Variants in CELF5 observed in about 807,000 individuals in gnomAD.
CELF5 encodes CUGBP Elav-like family member 5.
Under a neutral mutation model 54.9 loss-of-function variants are expected in CELF5, and 6 were observed. The ratio of observed to expected loss-of-function variants is 0.11; its 90% confidence interval spans 0.06 to 0.22. The LOEUF (loss-of-function observed/expected upper bound fraction) is 0.22, where lower values mean the gene tolerates loss of function less well. CELF5 is among the 10% of genes least tolerant of loss of function. CELF5 has a pLI of 1.00. For synonymous variants in CELF5, 271 were observed against 290.9 expected, an observed-to-expected ratio of 0.93 and a Z score of 0.70; for missense variants, 401 against 678.6, an observed-to-expected ratio of 0.59 and a Z score of 4.54.
At chr19:3,279,849 C>T (rs959222704) in intron 5 of CELF5, among the ~76,000 whole-genome samples, 8 of 152,140 alleles carry the variant, frequency 5.3e-5, no homozygotes, top group African/African-American at 7.2e-5. Flanking sequence ...ATTACAGGCA[C>T]GCGCCACCAC....
intron 1 of CELF5, among the ~76,000 whole-genome samples, chr19:3,233,147 C>T (rs1388547114): frequency 2.0e-5 from 3 of 151,116 alleles, no homozygotes; most frequent in Non-Finnish European, 2.9e-5. Context: ...AAAAGCTGCA[C>T]GTGGTGGCAT....
At chr19:3,296,073 C>T (rs2080437908) in intron 12 of CELF5, 2 of 147,960 alleles carry the variant, frequency 1.4e-5, no homozygotes, top group African/African-American at 5.0e-5. Context: ...TTTTTTTTTC[C>T]GGTCTTTCTG....
At chr19:3,273,956 G>A in intron 3 of CELF5, 33 bp downstream of exon 3, 6 of 1,602,676 alleles carry the variant, frequency 3.7e-6, no homozygotes, top group Non-Finnish European at 3.4e-6. Context: ...CAGGCTGGGG[G>A]TTGGCGGAGG....
Position 3,275,976 on chromosome 19 carries a change from G to A in CELF5, c.515G>A (p.Ser172Asn), listed in dbSNP as rs1231518240. The part of the protein sequence containing the change: ...ECTVLRGPDG[S>N]SKGCAFVKFS... ...ACCGTGCTCCGGGGGCCTGACGGCA[G>A]CAGCAAAGGTGACTGGCGGGGGCCG... is the stretch of plus-strand genomic sequence containing the variant. Residue 172 changes from serine (S) to asparagine (N), a missense_variant, in exon 4 of 13, where the codon AGC (serine) becomes AAC (asparagine). Physicochemically the swap from Ser to Asn is conservative, Grantham distance 46. Transcript: ENST00000292672. The surrounding 1 kb of genome is among the most constrained non-coding windows in gnomAD (Gnocchi z 6.7). The A allele has an allele frequency of 5.2e-6, 8 of 1,533,810 alleles. No individual in the cohort carries two copies. Among genetic ancestry groups the A allele is most frequent in the Middle Eastern group, 1.8e-4 (1 of 5,564 alleles).
At chr19:3,286,132 A>G (rs1478446287) in intron 10 of CELF5, 107 bp downstream of exon 10, 1 of 1,002,342 alleles carries the variant, frequency 1.0e-6, no homozygotes, top group Non-Finnish European at 1.4e-6. Flanking sequence ...CGGGGCTGAG[A>G]GTGCGGCCTG....
At chr19:3,225,124 G>A (rs1916816874) in intron 1 of CELF5, 126 bp downstream of exon 1, 1 of 617,204 alleles carries the variant, frequency 1.6e-6, no homozygotes. Context: ...CTCTGCCGGA[G>A]CATCGGTTCT....
chr19:3,271,459 G>T (rs927952934), intron 2 of CELF5, among the ~76,000 whole-genome samples: 5 of 152,158 alleles, frequency 3.3e-5, no homozygotes, highest in Non-Finnish European at 7.3e-5. Flanking sequence ...GGTGATCAGG[G>T]TCCCTCTGAG....
chr19:3,228,908 G>C lies in CELF5; in HGVS notation c.259+3910G>C, dbSNP rs1917107755. Among the ~76,000 whole-genome samples the C allele has an allele frequency of 6.6e-6, 1 of 151,064 alleles. No homozygotes were observed. The highest frequency in any genetic ancestry group is 1.5e-5 in the Non-Finnish European group (1 of 67,710). ...TGTGTGTGTGTGTGTGTGTGTGTGT[G>C]TGTGTGTACGCGGGCGCGCGCCTGG... On this transcript the variant is annotated intron_variant, in intron 1 of 12. Transcript: ENST00000292672. This position sits in a 1 kb window ranked among gnomAD's most constrained non-coding sequence, Gnocchi z 6.0.
At chr19:3,267,547 TG>T (rs1474532326) in intron 2 of CELF5, among the ~76,000 whole-genome samples, 2 of 152,106 alleles carry the variant, frequency 1.3e-5, no homozygotes, top group Non-Finnish European at 2.9e-5. Flanking sequence ...CCCCCAACAC[TG>T]GGACAGTGCG....
At chr19:3,285,401 C>G (rs7260467) in intron 9 of CELF5, among the ~76,000 whole-genome samples, 81,304 of 149,098 alleles carry the variant, frequency 0.55, 23,461 homozygotes, top group Middle Eastern at 0.69. Flanking sequence ...GCCCCTACCT[C>G]TGGCTCTACT....
At chr19:3,286,108 G>GCCTGC in intron 10 of CELF5, 83 bp downstream of exon 10, 1 of 1,246,992 alleles carries the variant, frequency 8.0e-7, no homozygotes, top group African/African-American at 1.6e-5. Flanking sequence ...TCTGGCCCGG[G>GCCTGC]CCTCTGGGAC....
rs2145263331 is a variant in CELF5, at chr19:3,281,291, C to A, written c.696C>A (p.Ile232=). The A allele has an allele frequency of 1.2e-6, 2 of 1,611,758 alleles. No individual in the cohort carries two copies. Among genetic ancestry groups the A allele is most frequent in the East Asian group, 2.2e-5 (1 of 44,872 alleles). Reference sequence around the variant, plus strand: ...AGCAGATGGTGGGCCAGCTGGGCATCCTGACGCCGTCCCTCACATTGCCCT... The same window carrying A: ...AGCAGATGGTGGGCCAGCTGGGCATACTGACGCCGTCCCTCACATTGCCCT... ...RMQQMVGQLG[I]LTPSLTLPFS... The change falls in exon 6 of 13, where the codon ATC becomes ATA. Residue 232 remains isoleucine, a synonymous_variant. Transcript: ENST00000292672. This position sits in a 1 kb window ranked among gnomAD's most constrained non-coding sequence, Gnocchi z 6.5.
chr19:3,241,973 C>T (rs1156843281), intron 1 of CELF5, among the ~76,000 whole-genome samples: 1 of 152,156 alleles, frequency 6.6e-6, no homozygotes, highest in Non-Finnish European at 1.5e-5. Flanking sequence ...TGGGGTTTCA[C>T]CGTGTTGGGC....
intron 2 of CELF5, among the ~76,000 whole-genome samples, chr19:3,257,011 G>A (rs1250248256): frequency 6.6e-6 from 1 of 152,118 alleles, no homozygotes; most frequent in Admixed American, 6.6e-5. Context: ...GTCTCACTAT[G>A]TAGCCCAGGC....
At position 3,278,581 on chromosome 19, in the gene CELF5, T is replaced by A. The variant is rs1172705083; in HGVS notation, c.603+471T>A. Reference sequence around the variant, plus strand: ...GCGTGTGCGTGTATGAGAGTGTACATGTGTGTTTCTATGTGTGTGAGCGTG... The same window carrying A: ...GCGTGTGCGTGTATGAGAGTGTACAAGTGTGTTTCTATGTGTGTGAGCGTG... On this transcript the variant is annotated intron_variant, in intron 5 of 12. Coordinates refer to ENST00000292672, the MANE Select transcript of CELF5 (RefSeq NM_021938.4). The surrounding 1 kb of genome is among the most constrained non-coding windows in gnomAD (Gnocchi z 4.5). Among the ~76,000 whole-genome samples, 1 of 151,910 alleles carries A rather than the reference T, an allele frequency of 6.6e-6. No homozygotes were observed. The highest frequency in any genetic ancestry group is 2.4e-5 in the African/African-American group (1 of 41,338).
chr19:3,284,453 G>T (rs1380684932), intron 8 of CELF5, among the ~76,000 whole-genome samples: 1 of 152,152 alleles, frequency 6.6e-6, no homozygotes, highest in Non-Finnish European at 1.5e-5. Context: ...CCTAGCGGTA[G>T]CAGGAAGGCT....
intron 2 of CELF5, among the ~76,000 whole-genome samples, chr19:3,273,612 C>T (rs2080000705): frequency 6.6e-6 from 1 of 152,176 alleles, no homozygotes; most frequent in Non-Finnish European, 1.5e-5. Context: ...GGAATTGGGC[C>T]TATCACATTT....
chr19:3,281,161 C>T lies in CELF5; in HGVS notation c.604-38C>T. 1 of 1,590,640 alleles carries T rather than the reference C, an allele frequency of 6.3e-7. No individual in the cohort carries two copies. The highest frequency in any genetic ancestry group is 8.5e-7 in the Non-Finnish European group (1 of 1,170,982). ...GGACCCCAGAGTCCTGGCTACCTCC[C>T]AGCCCGTTTCCCTCCCTGCTCGCCG... On this transcript the variant is annotated intron_variant, in intron 5 of 12. Coordinates refer to ENST00000292672, the MANE Select transcript of CELF5 (RefSeq NM_021938.4). The surrounding 1 kb of genome is among the most constrained non-coding windows in gnomAD (Gnocchi z 6.5).
chr19:3,253,356 G>T (rs2079676968), intron 2 of CELF5, among the ~76,000 whole-genome samples: 1 of 152,202 alleles, frequency 6.6e-6, no homozygotes, highest in South Asian at 2.1e-4. Flanking sequence ...GCTCAGGGAG[G>T]TTACAGTCAA....
Sources: gnomAD v4.1 joint callset for allele counts (sites outside exome capture counted in the v4.1 genomes callset) on GRCh38, gnomAD v4.1.1 for gene constraint, Gnocchi (gnomAD v3.1) non-coding constraint, MANE v1.5 for transcripts, NCBI Gene and HGNC (gene_info 2026-07-23, HGNC 2026-07-21) for gene names.